Variants in RIMS2 observed in about 807,000 individuals in gnomAD.
RIMS2 encodes regulating synaptic membrane exocytosis 2.
In RIMS2, 59 loss-of-function variants were observed where a neutral mutation model predicts 174.4. The ratio of observed to expected loss-of-function variants is 0.34; its 90% CI spans 0.27 to 0.42. RIMS2 has a LOEUF of 0.42. RIMS2 is among the 10% of genes least tolerant of loss of function. The probability of loss-of-function intolerance (pLI) is 1.00; values close to 1 mark genes in which losing one functional copy is unlikely to be tolerated. For synonymous variants in RIMS2, 606 were observed against 572.5 expected, an observed-to-expected ratio of 1.06 and a Z score of -0.84; for missense variants, 1,620 against 1,666.3, an observed-to-expected ratio of 0.97 and a Z score of 0.48.
intron 1 of RIMS2, among the ~76,000 whole-genome samples, chr8:103,592,567 G>T (rs2094312136): frequency 6.6e-6 from 1 of 151,294 alleles, no homozygotes; most frequent in East Asian, 1.9e-4. Context: ...TAGAACAGTG[G>T]TTCTCAAAGT....
chr8:103,545,632 G>C (rs1844679320), intron 1 of RIMS2, among the ~76,000 whole-genome samples: 1 of 151,888 alleles, frequency 6.6e-6, no homozygotes, highest in Non-Finnish European at 1.5e-5. Context: ...GAGAGAAGGG[G>C]CACACCCCCT....
chr8:104,000,820 G>C (rs764501172), intron 17 of RIMS2, among the ~76,000 whole-genome samples: 1 of 151,756 alleles, frequency 6.6e-6, no homozygotes, highest in Non-Finnish European at 1.5e-5. Context: ...GTGATGTTGA[G>C]CATTTTTTTA....
chr8:104,212,384 G>A (rs1269095085), intron 19 of RIMS2, among the ~76,000 whole-genome samples: 3 of 152,086 alleles, frequency 2.0e-5, no homozygotes, highest in East Asian at 1.9e-4. Flanking sequence ...ATGCCACAAA[G>A]ATAGGAAGAA....
chr8:104,243,528 T>C (rs1468990629), intron 19 of RIMS2, among the ~76,000 whole-genome samples: 1 of 151,836 alleles, frequency 6.6e-6, no homozygotes, highest in African/African-American at 2.4e-5. Context: ...CTACTAAAAA[T>C]ACAAAAAATT....
intron 3 of RIMS2, among the ~76,000 whole-genome samples, chr8:103,856,294 G>A (rs926196293): frequency 1.6e-4 from 25 of 152,096 alleles, no homozygotes; most frequent in African/African-American, 6.0e-4. Context: ...GCGCCTGTGG[G>A]TGTTGTTACA....
At chr8:103,920,338 T>C (rs1393606565) in intron 9 of RIMS2, among the ~76,000 whole-genome samples, 3 of 152,162 alleles carry the variant, frequency 2.0e-5, no homozygotes, top group African/African-American at 7.2e-5. Flanking sequence ...AAAGAATACA[T>C]TCTGTTGTGT....
At chr8:103,689,472 C>A (rs1264075548) in intron 1 of RIMS2, among the ~76,000 whole-genome samples, 1 of 151,808 alleles carries the variant, frequency 6.6e-6, no homozygotes, top group African/African-American at 2.4e-5. Context: ...CTCCAGCTAT[C>A]ATTGTATTTA....
At chr8:104,116,610 A>G (rs1358903002) in intron 19 of RIMS2, among the ~76,000 whole-genome samples, 1 of 152,176 alleles carries the variant, frequency 6.6e-6, no homozygotes, top group Non-Finnish European at 1.5e-5. Flanking sequence ...GAAGTGAGTT[A>G]GGCTGAGTTT....
At chr8:103,765,903 A>G (rs1160479259) in intron 2 of RIMS2, among the ~76,000 whole-genome samples, 1 of 152,140 alleles carries the variant, frequency 6.6e-6, no homozygotes, top group Non-Finnish European at 1.5e-5. Flanking sequence ...CCAACTGTCT[A>G]GTTTCAAAAT....
At chr8:104,054,516 G>A (rs954016460) in intron 19 of RIMS2, among the ~76,000 whole-genome samples, 25 of 151,984 alleles carry the variant, frequency 1.6e-4, no homozygotes, top group African/African-American at 5.8e-4. Flanking sequence ...AAAATTTAGC[G>A]AAATGGATAA....
chr8:103,704,662 G>A lies in RIMS2; in HGVS notation c.387+7366G>A, dbSNP rs192338708. 9.9e-4 allele frequency among the ~76,000 whole-genome samples: 151 copies of A among 152,092 alleles called. No homozygotes were observed. In the Middle Eastern group the frequency reaches 0.01, roughly 10 times the overall value. ...TCAATCTTTTTACTTATATTGGTCT[G>A]TTTAGGTTTTCCATTTAATCATGAT... is the stretch of plus-strand genomic sequence containing the variant. On this transcript the variant is annotated intron_variant, in intron 2 of 23. Transcript: ENST00000504942.
At chr8:103,830,083 G>A (rs967897814) in intron 3 of RIMS2, among the ~76,000 whole-genome samples, 1 of 151,838 alleles carries the variant, frequency 6.6e-6, no homozygotes, top group Non-Finnish European at 1.5e-5. Context: ...GGATCTAATA[G>A]TGATGACTCT....
intron 1 of RIMS2, among the ~76,000 whole-genome samples, chr8:103,604,604 C>A (rs997047022): frequency 4.0e-5 from 6 of 150,628 alleles, no homozygotes; most frequent in African/African-American, 1.5e-4. Flanking sequence ...TGGCCATTTT[C>A]ACGATATTGA....
chr8:103,658,446 G>A (rs368991910), intron 1 of RIMS2, among the ~76,000 whole-genome samples: 137 of 152,272 alleles, frequency 9.0e-4, no homozygotes, highest in African/African-American at 3.2e-3. Flanking sequence ...GAAAGGAGGA[G>A]CAGAGATACC....
chr8:103,612,367 C>A (rs900796710), intron 1 of RIMS2, among the ~76,000 whole-genome samples: 5 of 152,114 alleles, frequency 3.3e-5, no homozygotes, highest in African/African-American at 4.8e-5. Context: ...GGTCTCTGGG[C>A]ATTGAAGAGT....
chr8:103,838,664 A>C lies in RIMS2; in HGVS notation c.699-46634A>C, dbSNP rs188060422. Among the ~76,000 whole-genome samples the C allele has an allele frequency of 1.5e-3, 229 of 152,342 alleles. 2 individuals carry two copies. The highest frequency in any genetic ancestry group is 5.0e-3 in the African/African-American group (207 of 41,584). ...AAAGTTACGAATATTTTGGATAAGC[A>C]GAAGGTGTAGGATAGGACACCTCTG... On this transcript the variant is annotated intron_variant, in intron 3 of 23. Transcript: ENST00000504942.
intron 19 of RIMS2, among the ~76,000 whole-genome samples, chr8:104,207,214 A>G (rs747049550): frequency 2.0e-5 from 3 of 152,186 alleles, no homozygotes; most frequent in Non-Finnish European, 4.4e-5. Context: ...TATTTCTGCT[A>G]CGCCCAGCCC....
chr8:103,612,911 A>G (rs1320439542), intron 1 of RIMS2, among the ~76,000 whole-genome samples: 1 of 152,110 alleles, frequency 6.6e-6, no homozygotes, highest in Non-Finnish European at 1.5e-5. Flanking sequence ...AGACAAATGG[A>G]GTCTCTCTCT....
intron 19 of RIMS2, among the ~76,000 whole-genome samples, chr8:104,052,554 G>C (rs2096803509): frequency 6.6e-6 from 1 of 152,138 alleles, no homozygotes; most frequent in African/African-American, 2.4e-5. Flanking sequence ...AAGATCAAGA[G>C]ATATTTAGGG....
Sources: allele counts gnomAD v4.1 joint callset (sites outside exome capture counted in the v4.1 genomes callset), GRCh38; gene constraint gnomAD v4.1.1; transcripts MANE v1.5; gene names NCBI Gene and HGNC (gene_info 2026-07-23, HGNC 2026-07-21).